Variants in SLC24A4 observed in about 807,000 individuals in gnomAD.
SLC24A4 encodes the protein solute carrier family 24 member 4, also known as sodium/potassium/calcium exchanger 4.
A neutral mutation model predicts 79.0 loss-of-function variants in SLC24A4; 53 were observed. The ratio of observed to expected loss-of-function variants is 0.67; its 90% confidence interval spans 0.54 to 0.84. SLC24A4 has a LOEUF of 0.84. Among genes scored for constraint, SLC24A4 ranks in the 40% least tolerant of loss-of-function variants. The probability of loss-of-function intolerance (pLI) is 0.00; values close to 1 mark genes in which losing one functional copy is unlikely to be tolerated. For synonymous variants in SLC24A4, 323 were observed against 323.8 expected (o/e 1.00, Z 0.03); for missense variants, 731 against 822.0 (o/e 0.89, Z 1.35).
chr14:92,338,282 A>T (rs1237572840), intron 2 of SLC24A4, among the ~76,000 whole-genome samples: 1 of 152,184 alleles, frequency 6.6e-6, no homozygotes, highest in Admixed American at 6.5e-5. Context: ...GGGTGTAGTG[A>T]TGATGTGGTT....
At chr14:92,466,776 C>T (rs1345428756) in intron 12 of SLC24A4, among the ~76,000 whole-genome samples, 3 of 152,128 alleles carry the variant, frequency 2.0e-5, no homozygotes, top group Non-Finnish European at 2.9e-5. Flanking sequence ...GGCAGGCAAG[C>T]TGTACAGTAC....
At chr14:92,481,511 A>G (rs1483152826) in intron 12 of SLC24A4, among the ~76,000 whole-genome samples, 1 of 152,142 alleles carries the variant, frequency 6.6e-6, no homozygotes, top group Non-Finnish European at 1.5e-5. Context: ...AAATAATAAC[A>G]ATTCTGTGGG....
chr14:92,460,554 A>G (rs1243239869), intron 12 of SLC24A4, among the ~76,000 whole-genome samples: 1 of 152,158 alleles, frequency 6.6e-6, no homozygotes, highest in Non-Finnish European at 1.5e-5. Context: ...GGCACCTGTT[A>G]TGTGCCAGGT....
intron 12 of SLC24A4, among the ~76,000 whole-genome samples, chr14:92,481,292 C>T (rs1895059614): frequency 6.6e-6 from 1 of 152,222 alleles, no homozygotes; most frequent in Admixed American, 6.5e-5. Flanking sequence ...TGTCTCATTC[C>T]CCAGCTTTTC....
intron 2 of SLC24A4, among the ~76,000 whole-genome samples, chr14:92,426,560 G>A (rs1891576387): frequency 6.6e-6 from 1 of 152,172 alleles, no homozygotes; most frequent in African/African-American, 2.4e-5. Flanking sequence ...TCATGGCACT[G>A]AATCTCTTTT....
intron 2 of SLC24A4, among the ~76,000 whole-genome samples, chr14:92,392,877 C>G (rs1889556509): frequency 6.6e-6 from 1 of 151,958 alleles, no homozygotes; most frequent in African/African-American, 2.4e-5. Context: ...TGAGGAACAC[C>G]TGTTCCACTG....
intron 12 of SLC24A4, among the ~76,000 whole-genome samples, chr14:92,474,863 A>ATATATATATATATATATATTT (rs36185636): frequency 1.4e-4 from 8 of 57,118 alleles, no homozygotes; most frequent in Non-Finnish European, 2.4e-4. Context: ...ATATATATAT[A>ATATATATATATATATATATTT]TTTTTTTTTT....
rs934156494 is a variant in SLC24A4 at position 92,489,226 on chromosome 14, T to C, written c.1538-2439T>C. Among the ~76,000 whole-genome samples, 5 of 151,776 alleles carry C rather than the reference T, an allele frequency of 3.3e-5. No individual in the cohort carries two copies. In the East Asian group the frequency reaches 5.8e-4, roughly 18 times the overall value. Reference sequence around the variant, plus strand: ...GTCGAGGTGGGCGGATCACCTGAGGTCAGGAGTTTGAGACCAGCCTGGCCA... The same window carrying C: ...GTCGAGGTGGGCGGATCACCTGAGGCCAGGAGTTTGAGACCAGCCTGGCCA... On this transcript the variant is annotated intron_variant, in intron 14 of 16. Transcript: ENST00000532405.
chr14:92,432,479 C>T (rs1891929920), intron 2 of SLC24A4, among the ~76,000 whole-genome samples: 1 of 152,182 alleles, frequency 6.6e-6, no homozygotes, highest in Non-Finnish European at 1.5e-5. Flanking sequence ...TATTGATCTG[C>T]ACTGAAATAT....
intron 2 of SLC24A4, among the ~76,000 whole-genome samples, chr14:92,327,190 A>T (rs941041979): frequency 6.6e-6 from 1 of 152,176 alleles, no homozygotes; most frequent in Non-Finnish European, 1.5e-5. Flanking sequence ...CAAAGTTTTC[A>T]TACTGTTTTT....
intron 12 of SLC24A4, among the ~76,000 whole-genome samples, chr14:92,474,841 G>GTGTGTGTGTATATA (rs1894658762): frequency 3.0e-5 from 1 of 33,788 alleles, no homozygotes; most frequent in Non-Finnish European, 7.2e-5. Flanking sequence ...GTGTGTGTGT[G>GTGTGTGTGTATATA]TGTATATATA....
chr14:92,480,439 G>A (rs4347561), intron 12 of SLC24A4, among the ~76,000 whole-genome samples: 23,788 of 147,472 alleles, frequency 0.16, 2,077 homozygotes, highest in East Asian at 0.3. Flanking sequence ...GACTACAGGC[G>A]CCCGCCACCA....
intron 12 of SLC24A4, among the ~76,000 whole-genome samples, chr14:92,470,628 G>A (rs114144465): frequency 0.023 from 3,487 of 152,124 alleles, 125 homozygotes; most frequent in African/African-American, 0.079. Flanking sequence ...TCTTGTTGAT[G>A]TTTGCGTGTC....
chr14:92,379,922 A>T (rs954017186), intron 2 of SLC24A4, among the ~76,000 whole-genome samples: 6 of 151,138 alleles, frequency 4.0e-5, no homozygotes, highest in Admixed American at 1.3e-4. Context: ...CTCCACCCTC[A>T]CCTGCCGTGT....
At chr14:92,440,130 G>A (rs981102691) in intron 4 of SLC24A4, among the ~76,000 whole-genome samples, 2 of 152,292 alleles carry the variant, frequency 1.3e-5, no homozygotes, top group South Asian at 2.1e-4. Context: ...GTGCTTCCCC[G>A]TGACTTTCCC....
chr14:92,398,865 G>C lies in SLC24A4; in HGVS notation c.242-35047G>C, dbSNP rs752018181. Among the ~76,000 whole-genome samples the C allele has an allele frequency of 6.6e-6, 1 of 152,140 alleles. No homozygotes were observed. Among genetic ancestry groups the C allele is most frequent in the Non-Finnish European group, 1.5e-5 (1 of 68,026 alleles). ...TTGGGGTGGCACCCTTCCTTAAATC[G>C]TCAACTCAATGCCTGCTTCTTTCCC... On this transcript the variant is annotated intron_variant, in intron 2 of 16. Transcript: ENST00000532405. This position sits in a 1 kb window ranked among gnomAD's most constrained non-coding sequence, Gnocchi z 4.1.
chr14:92,381,025 A>G (rs1409679428), intron 2 of SLC24A4, among the ~76,000 whole-genome samples: 1 of 152,200 alleles, frequency 6.6e-6, no homozygotes, highest in East Asian at 1.9e-4. Context: ...CCACTGGGCC[A>G]CACAACACTG....
chr14:92,332,403 G>C (rs1245993212), intron 2 of SLC24A4, among the ~76,000 whole-genome samples: 1 of 152,162 alleles, frequency 6.6e-6, no homozygotes, highest in East Asian at 1.9e-4. Flanking sequence ...TTATATGCAG[G>C]CCAGGCACAG....
At chr14:92,387,452 C>T (rs747281722) in intron 2 of SLC24A4, among the ~76,000 whole-genome samples, 2 of 152,200 alleles carry the variant, frequency 1.3e-5, no homozygotes, top group African/African-American at 4.8e-5. Context: ...GCTGGGATTA[C>T]AGGCATGAGC....
Sources: gnomAD v4.1 joint callset for allele counts (sites outside exome capture counted in the v4.1 genomes callset) on GRCh38, gnomAD v4.1.1 for gene constraint, Gnocchi (gnomAD v3.1) non-coding constraint, MANE v1.5 for transcripts, NCBI Gene and HGNC (gene_info 2026-07-23, HGNC 2026-07-21) for gene names.